SCFD2: variants seen among roughly 807,000 people sequenced by gnomAD.
SCFD2 encodes sec1 family domain-containing protein 2.
A neutral mutation model predicts 58.9 loss-of-function variants in SCFD2; 54 were observed. The ratio of observed to expected loss-of-function variants is 0.92; its 90% CI spans 0.74 to 1.15. The LOEUF is 1.15. Ranked by LOEUF, SCFD2 falls within the 50% of genes most tolerant of loss-of-function variation. SCFD2 has a pLI of 0.00. For missense variants in SCFD2, 805 were observed against 836.6 expected (o/e 0.96, Z 0.47); for synonymous variants, 321 against 335.9 (o/e 0.96, Z 0.49).
intron 2 of SCFD2, among the ~76,000 whole-genome samples, chr4:53,334,250 G>T (rs1370975433): frequency 6.6e-6 from 1 of 151,710 alleles, no homozygotes; most frequent in South Asian, 2.1e-4. Flanking sequence ...CCCATTACTG[G>T]GTATATACCC....
chr4:53,178,086 G>A (rs780990278), intron 4 of SCFD2, among the ~76,000 whole-genome samples: 46 of 152,194 alleles, frequency 3.0e-4, no homozygotes, highest in Non-Finnish European at 1.9e-4. Flanking sequence ...CTGGGGGCAG[G>A]GCACAGACAA....
intron 3 of SCFD2, among the ~76,000 whole-genome samples, chr4:53,297,764 AT>A (rs1456592582): frequency 6.6e-6 from 1 of 152,134 alleles, no homozygotes; most frequent in Non-Finnish European, 1.5e-5. Flanking sequence ...GGTCTTTACA[AT>A]GTGGCATGTT....
intron 4 of SCFD2, among the ~76,000 whole-genome samples, chr4:53,176,945 C>A: frequency 6.3e-5 from 1 of 15,904 alleles, no homozygotes. Context: ...TGACAACAAT[C>A]TCAAAAAAAA....
chr4:53,017,246 AG>A (rs1223362155), intron 5 of SCFD2, among the ~76,000 whole-genome samples: 1 of 152,218 alleles, frequency 6.6e-6, no homozygotes, highest in Non-Finnish European at 1.5e-5. Flanking sequence ...CCAGGGGTGG[AG>A]GTAGTTATGC....
At chr4:53,323,227 G>C (rs577158166) in intron 2 of SCFD2, among the ~76,000 whole-genome samples, 1 of 152,288 alleles carries the variant, frequency 6.6e-6, no homozygotes, top group East Asian at 1.9e-4. Flanking sequence ...AGCTGAAATA[G>C]GAATTTGCAT....
intron 5 of SCFD2, among the ~76,000 whole-genome samples, chr4:53,088,320 C>T (rs1290810210): frequency 1.3e-5 from 2 of 152,160 alleles, no homozygotes; most frequent in Admixed American, 1.3e-4. Flanking sequence ...CAGATCTCCT[C>T]CACCCAAAAT....
chr4:52,969,986 G>T (rs1390048058), intron 5 of SCFD2, among the ~76,000 whole-genome samples: 1 of 152,170 alleles, frequency 6.6e-6, no homozygotes, highest in Non-Finnish European at 1.5e-5. Flanking sequence ...TTATAAAAAT[G>T]TTTAAAGAGG....
intron 1 of SCFD2, among the ~76,000 whole-genome samples, chr4:53,361,492 G>A (rs540051173): frequency 6.6e-6 from 1 of 152,314 alleles, no homozygotes; most frequent in South Asian, 2.1e-4. Context: ...AAACTCCCAG[G>A]TTCAAGCAAT....
chr4:53,078,536 T>C (rs1408091694), intron 5 of SCFD2, among the ~76,000 whole-genome samples: 2 of 152,186 alleles, frequency 1.3e-5, no homozygotes, highest in Non-Finnish European at 2.9e-5. Context: ...TTACCTTCTA[T>C]AAAAAATCAA....
chr4:53,161,326 T>TA (rs1293163976), intron 4 of SCFD2, among the ~76,000 whole-genome samples: 1 of 152,220 alleles, frequency 6.6e-6, no homozygotes, highest in Non-Finnish European at 1.5e-5. Flanking sequence ...AAACCAGCCA[T>TA]ATTTCCTGAG....
At chr4:53,299,255 C>A (rs906289511) in intron 3 of SCFD2, among the ~76,000 whole-genome samples, 3 of 152,090 alleles carry the variant, frequency 2.0e-5, no homozygotes, top group African/African-American at 7.2e-5. Flanking sequence ...CTTAAAGGAC[C>A]TGATGGAGCT....
chr4:53,326,927 A>T (rs1243360754), intron 2 of SCFD2, among the ~76,000 whole-genome samples: 2 of 151,938 alleles, frequency 1.3e-5, no homozygotes, highest in Non-Finnish European at 2.9e-5. Flanking sequence ...TTTTAGAATG[A>T]GGCTATAAGT....
intron 5 of SCFD2, among the ~76,000 whole-genome samples, chr4:53,022,071 T>C (rs975781190): frequency 5.9e-5 from 9 of 152,310 alleles, no homozygotes; most frequent in Middle Eastern, 6.8e-3. Flanking sequence ...TTTGTGTTGT[T>C]GTCAGAAACA....
Position 53,251,076 on chromosome 4 carries a change from A to C in SCFD2, c.1311+22750T>G, listed in dbSNP as rs541995676. 6.6e-5 allele frequency among the ~76,000 whole-genome samples: 10 copies of C among 152,352 alleles called. No homozygotes were observed. In the South Asian group the frequency reaches 2.1e-3, roughly 32 times the overall value. On this transcript the variant is annotated intron_variant, in intron 4 of 8. Transcript: ENST00000401642. ...ATCACCACCGATCCCACAGAAATAC[A>C]AACTACCATCAGATAATACTACAAA...
intron 4 of SCFD2, among the ~76,000 whole-genome samples, chr4:53,239,579 G>C (rs2149023479): frequency 6.6e-6 from 1 of 152,258 alleles, no homozygotes; most frequent in East Asian, 1.9e-4. Flanking sequence ...CTGCCTCCTG[G>C]GTTCAAGTGA....
At chr4:53,156,062 A>G (rs188379488) in intron 4 of SCFD2, among the ~76,000 whole-genome samples, 6 of 152,278 alleles carry the variant, frequency 3.9e-5, no homozygotes, top group Admixed American at 2.6e-4. Context: ...CTCACAGCTG[A>G]ATTTTGTAAA....
At chr4:53,078,898 C>T (rs1724059920) in intron 5 of SCFD2, among the ~76,000 whole-genome samples, 1 of 152,164 alleles carries the variant, frequency 6.6e-6, no homozygotes, top group Admixed American at 6.5e-5. Context: ...ACAGTCCATA[C>T]CAAATGTTCA....
intron 4 of SCFD2, among the ~76,000 whole-genome samples, chr4:53,251,608 T>C (rs1467751068): frequency 2.0e-5 from 3 of 152,266 alleles, no homozygotes; most frequent in African/African-American, 4.8e-5. Flanking sequence ...TAATCCAGCA[T>C]ATAAACAGAA....
chr4:53,202,549 C>A (rs1000470980), intron 4 of SCFD2, among the ~76,000 whole-genome samples: 2 of 151,848 alleles, frequency 1.3e-5, no homozygotes, highest in Non-Finnish European at 2.9e-5. Flanking sequence ...GTAGTTTTTT[C>A]CAATTCTGTG....
Sources: allele counts gnomAD v4.1 joint callset (sites outside exome capture counted in the v4.1 genomes callset), GRCh38; gene constraint gnomAD v4.1.1; transcripts MANE v1.5; gene names NCBI Gene and HGNC (gene_info 2026-07-23, HGNC 2026-07-21).